The following CNOT4 variants were observed in gnomAD, a reference collection of about 807,000 sequenced individuals.
CNOT4 encodes the protein CCR4-NOT transcription complex subunit 4.
A neutral mutation model predicts 73.8 loss-of-function variants in CNOT4; 8 were observed. That is an observed-to-expected ratio of 0.11 (90% CI 0.06 to 0.20). The LOEUF (loss-of-function observed/expected upper bound fraction) is 0.20. Ranked by LOEUF, CNOT4 falls within the 10% of genes least tolerant of loss-of-function variation. CNOT4 has a pLI of 1.00. For missense variants in CNOT4, 564 were observed against 883.4 expected (o/e 0.64, Z 4.58); for synonymous variants, 293 against 321.1 (o/e 0.91, Z 0.94).
chr7:135,416,620 C>G (rs1797887400), intron 3 of CNOT4, among the ~76,000 whole-genome samples: 1 of 152,150 alleles, frequency 6.6e-6, no homozygotes, highest in African/African-American at 2.4e-5. Context: ...AATATTCCAG[C>G]TGGATGCATA....
Position 135,509,689 on chromosome 7 carries a change from C to T in CNOT4, c.-93+200G>A, listed in dbSNP as rs1326732977. ...GCTGCCTTCTGACCCGCTCCCTTTT[C>T]CTTATGGTAACTGCTGTGGCGTAAA... is the stretch of plus-strand genomic sequence containing the variant. On this transcript the variant is annotated intron_variant, in intron 1 of 11. Coordinates refer to ENST00000541284, the MANE Select transcript of CNOT4 (RefSeq NM_001190850.2). 2.0e-5 allele frequency: 4 copies of T among 202,030 alleles called. No homozygotes were observed. In the East Asian group the frequency reaches 4.4e-4, roughly 22 times the overall value. 12.5% of individuals were successfully genotyped at this position (202,030 alleles called of 1,614,324 possible).
At chr7:135,381,685 G>A (rs1795853602) in intron 10 of CNOT4, among the ~76,000 whole-genome samples, 1 of 152,130 alleles carries the variant, frequency 6.6e-6, no homozygotes, top group African/African-American at 2.4e-5. Flanking sequence ...AGCAGAGTAG[G>A]TTACTTATTC....
At chr7:135,438,785 A>T (rs1400927038) in intron 1 of CNOT4, among the ~76,000 whole-genome samples, 6 of 152,204 alleles carry the variant, frequency 3.9e-5, no homozygotes, top group African/African-American at 1.4e-4. Flanking sequence ...TAACTAGAAG[A>T]CTATTACACT....
chr7:135,505,488 G>T (rs996492965), intron 1 of CNOT4, among the ~76,000 whole-genome samples: 7 of 152,126 alleles, frequency 4.6e-5, no homozygotes, highest in African/African-American at 1.7e-4. Context: ...GGAAGCAGAG[G>T]CTTCAGTGAG....
intron 1 of CNOT4, among the ~76,000 whole-genome samples, chr7:135,452,656 A>G (rs1266058772): frequency 4.6e-5 from 7 of 152,240 alleles, no homozygotes; most frequent in African/African-American, 9.6e-5. Context: ...TTATTTTTCA[A>G]TCTTTAGAAA....
At chr7:135,388,053 T>A in intron 10 of CNOT4, 1 of 985,458 alleles carries the variant, frequency 1.0e-6, no homozygotes, top group Non-Finnish European at 1.2e-6. Flanking sequence ...AAGTTTCAGA[T>A]AAGTCAACTA....
At chr7:135,437,755 A>G (rs767281579) in intron 2 of CNOT4, among the ~76,000 whole-genome samples, 4 of 152,204 alleles carry the variant, frequency 2.6e-5, no homozygotes, top group Non-Finnish European at 4.4e-5. Context: ...CCTATTTTGT[A>G]CTAGAAAATT....
intron 2 of CNOT4, among the ~76,000 whole-genome samples, chr7:135,426,133 G>A (rs1798482619): frequency 6.6e-6 from 1 of 152,148 alleles, no homozygotes; most frequent in African/African-American, 2.4e-5. Context: ...AGGGATGCTT[G>A]AGCACAGGAG....
intron 10 of CNOT4, among the ~76,000 whole-genome samples, chr7:135,381,565 C>T (rs955069100): frequency 3.9e-5 from 6 of 152,112 alleles, no homozygotes; most frequent in South Asian, 2.1e-4. Flanking sequence ...TGCAGAAATA[C>T]GGAATATTTA....
At chr7:135,399,653 T>C (rs1215705226) in intron 7 of CNOT4, among the ~76,000 whole-genome samples, 1 of 152,094 alleles carries the variant, frequency 6.6e-6, no homozygotes, top group Non-Finnish European at 1.5e-5. Context: ...AACTTACTGA[T>C]ACCATATTTA....
intron 1 of CNOT4, among the ~76,000 whole-genome samples, chr7:135,456,754 C>A (rs541112716): frequency 6.6e-6 from 1 of 151,814 alleles, no homozygotes; most frequent in Non-Finnish European, 1.5e-5. Flanking sequence ...TTGTCTCCAC[C>A]CCATCCCCGA....
Position 135,369,435 on chromosome 7 carries a change from C to G in CNOT4, c.1628-5369G>C, listed in dbSNP as rs115757656. The stretch of plus-strand genomic sequence containing the variant: ...CACTGAGAGACCCAGTCACAAAATA[C>G]ACCTAAAAGTGTTCATTCTGCACTT... On this transcript the variant is annotated intron_variant, in intron 10 of 11. Coordinates refer to ENST00000541284, the MANE Select transcript of CNOT4 (RefSeq NM_001190850.2). 7.0e-3 allele frequency among the ~76,000 whole-genome samples: 1,073 copies of G among 152,302 alleles called. 7 individuals are homozygous for G. Among genetic ancestry groups the G allele is most frequent in the African/African-American group, 0.022 (934 of 41,560 alleles).
chr7:135,477,537 C>A (rs1585706584), intron 1 of CNOT4, among the ~76,000 whole-genome samples: 1 of 151,728 alleles, frequency 6.6e-6, no homozygotes. Context: ...TTGTAGTACC[C>A]TCTTTTAATT....
intron 1 of CNOT4, among the ~76,000 whole-genome samples, chr7:135,505,397 C>A (rs1282719556): frequency 1.3e-5 from 2 of 152,046 alleles, no homozygotes; most frequent in Non-Finnish European, 2.9e-5. Flanking sequence ...ACTAAAAATA[C>A]AAAAATTAGC....
In CNOT4 at chr7:135,499,250, G is replaced by A. The variant is rs139115348; in HGVS notation, c.-93+10639C>T. Among the ~76,000 whole-genome samples, 1,069 of 152,234 alleles carry A rather than the reference G, an allele frequency of 7.0e-3. 5 individuals carry two copies. Among genetic ancestry groups the A allele is most frequent in the Non-Finnish European group, 0.011 (759 of 67,998 alleles). On this transcript the variant is annotated intron_variant, in intron 1 of 11. Coordinates refer to ENST00000541284, the MANE Select transcript of CNOT4 (RefSeq NM_001190850.2). ...TGCTAGTTTGATTTGGAAAAGGCTA[G>A]ACTGTATGTAGCCTCTCCAACTAGT...
At chr7:135,468,395 T>C (rs965370876) in intron 1 of CNOT4, among the ~76,000 whole-genome samples, 1 of 150,874 alleles carries the variant, frequency 6.6e-6, no homozygotes, top group East Asian at 2.0e-4. Context: ...ATTTCACACA[T>C]CTCAGCTGGG....
chr7:135,473,105 A>G (rs1162370324), intron 1 of CNOT4, among the ~76,000 whole-genome samples: 1 of 152,148 alleles, frequency 6.6e-6, no homozygotes, highest in African/African-American at 2.4e-5. Flanking sequence ...CGTACCTTAG[A>G]ATGTAGTTTT....
chr7:135,489,753 A>G (rs1802985313), intron 1 of CNOT4, among the ~76,000 whole-genome samples: 1 of 152,114 alleles, frequency 6.6e-6, no homozygotes, highest in Admixed American at 6.6e-5. Flanking sequence ...ACCATACTGG[A>G]CAATAAAGGT....
At chr7:135,391,969 A>G (rs1796424506) in intron 10 of CNOT4, among the ~76,000 whole-genome samples, 1 of 152,004 alleles carries the variant, frequency 6.6e-6, no homozygotes, top group South Asian at 2.1e-4. Context: ...CTCATCCATT[A>G]TATCTATACA....
Sources: allele counts gnomAD v4.1 joint callset (sites outside exome capture counted in the v4.1 genomes callset), GRCh38; gene constraint gnomAD v4.1.1; transcripts MANE v1.5; gene names NCBI Gene and HGNC (gene_info 2026-07-23, HGNC 2026-07-21).